DLG2: variants seen among roughly 807,000 people sequenced by gnomAD.
DLG2 encodes discs large MAGUK scaffold protein 2.
DLG2 carries 45 observed loss-of-function variants against 132.5 expected under a neutral mutation model. The ratio of observed to expected loss-of-function variants is 0.34; its 90% confidence interval spans 0.27 to 0.44. The LOEUF (loss-of-function observed/expected upper bound fraction) is 0.44. Ranked by LOEUF, DLG2 falls within the 20% of genes least tolerant of loss-of-function variation. The pLI is 1.00. For synonymous variants in DLG2, 424 were observed against 419.6 expected (o/e 1.01, Z -0.13); for missense variants, 1,045 against 1,196.9 (o/e 0.87, Z 1.87).
At chr11:84,672,111 C>G (rs1318408167) in intron 6 of DLG2, among the ~76,000 whole-genome samples, 2 of 152,110 alleles carry the variant, frequency 1.3e-5, no homozygotes, top group African/African-American at 2.4e-5. Flanking sequence ...TATAATGGAA[C>G]AAATCATAGT....
rs151285971 is a variant in DLG2 at position 83,958,726 on chromosome 11, T to G, written c.1340+4159A>C. Reference sequence around the variant, plus strand: ...TAGGGAAAACTTGGCCCAGTAAAGATAGAACTCATAGTTACCGGTAACATA... The same window carrying G: ...TAGGGAAAACTTGGCCCAGTAAAGAGAGAACTCATAGTTACCGGTAACATA... On this transcript the variant is annotated intron_variant, in intron 14 of 27. Transcript: ENST00000376104. 3.9e-5 allele frequency among the ~76,000 whole-genome samples: 6 copies of G among 152,256 alleles called. No individual in the cohort carries two copies. The East Asian group carries it at 1.2e-3, about 29-fold the overall frequency.
chr11:84,089,097 A>G (rs2097045769), intron 10 of DLG2, among the ~76,000 whole-genome samples: 1 of 152,162 alleles, frequency 6.6e-6, no homozygotes, highest in African/African-American at 2.4e-5. Flanking sequence ...CAATCACCCA[A>G]ACTCATGACA....
chr11:84,828,018 C>T (rs952597210), intron 6 of DLG2, among the ~76,000 whole-genome samples: 13 of 151,688 alleles, frequency 8.6e-5, no homozygotes, highest in African/African-American at 3.1e-4. Flanking sequence ...GCCTTAAATA[C>T]GTCAGACATT....
chr11:84,241,431 C>G (rs910757423), intron 8 of DLG2, among the ~76,000 whole-genome samples: 2 of 152,162 alleles, frequency 1.3e-5, no homozygotes, highest in African/African-American at 4.8e-5. Flanking sequence ...CTAGAAGAAG[C>G]ATAATTTAAG....
intron 8 of DLG2, chr11:84,166,855 C>A (rs1290537131): frequency 1.9e-6 from 1 of 516,294 alleles, no homozygotes; most frequent in Non-Finnish European, 4.0e-6. Context: ...TATTCCCAAT[C>A]AGGTTATCGA....
chr11:84,178,028 A>G (rs2096016872), intron 8 of DLG2, among the ~76,000 whole-genome samples: 1 of 151,928 alleles, frequency 6.6e-6, no homozygotes, highest in Non-Finnish European at 1.5e-5. Context: ...GCTGAATGTT[A>G]GTTAACAACT....
intron 3 of DLG2, among the ~76,000 whole-genome samples, chr11:85,388,174 G>A (rs1419037963): frequency 6.6e-6 from 1 of 152,092 alleles, no homozygotes; most frequent in East Asian, 1.9e-4. Flanking sequence ...TGAGGCCAGT[G>A]GCTGCTAGCT....
intron 6 of DLG2, among the ~76,000 whole-genome samples, chr11:84,578,017 G>A (rs1336391195): frequency 6.6e-6 from 1 of 152,206 alleles, no homozygotes; most frequent in Non-Finnish European, 1.5e-5. Flanking sequence ...TGGCTTCAGA[G>A]GGTGGCAGCC....
At chr11:83,474,096 CAG>C (rs1164664855) in intron 22 of DLG2, among the ~76,000 whole-genome samples, 5 of 152,158 alleles carry the variant, frequency 3.3e-5, no homozygotes, top group Non-Finnish European at 5.9e-5. Flanking sequence ...CTTAAGGGTA[CAG>C]AGAGTGGACC....
chr11:84,342,946 T>C (rs2098522221), intron 7 of DLG2, among the ~76,000 whole-genome samples: 1 of 152,198 alleles, frequency 6.6e-6, no homozygotes. Context: ...CCCTTCCTGA[T>C]AATACATGCA....
intron 3 of DLG2, among the ~76,000 whole-genome samples, chr11:85,302,707 C>T (rs2079674163): frequency 6.9e-6 from 1 of 144,992 alleles, no homozygotes; most frequent in African/African-American, 2.6e-5. Context: ...GAAGCCAAAA[C>T]AGAGAGCTGC....
chr11:84,967,298 T>C (rs564681946), intron 6 of DLG2, among the ~76,000 whole-genome samples: 1 of 152,144 alleles, frequency 6.6e-6, no homozygotes, highest in Non-Finnish European at 1.5e-5. Context: ...AAATGAAATA[T>C]GCTGGTTGCC....
chr11:84,683,491 C>T (rs1226604647), intron 6 of DLG2, among the ~76,000 whole-genome samples: 1 of 152,142 alleles, frequency 6.6e-6, no homozygotes, highest in African/African-American at 2.4e-5. Flanking sequence ...AAACCAAGTA[C>T]TATAAGTTTT....
rs140310285 is a variant in DLG2, at chr11:84,786,167, TAGA to T, written c.358-251439_358-251437del. Among the ~76,000 whole-genome samples, 958 of 152,230 alleles carry T rather than the reference TAGA, an allele frequency of 6.3e-3. 7 individuals carry two copies. The highest frequency in any genetic ancestry group is 0.021 in the African/African-American group (872 of 41,532). Reference sequence around the variant, plus strand: ...TTCAAATTTTACTTAACATTAGTCATAGAAGAAGTTTGGTTTTTATCCCAGCTC... The same window carrying T: ...TTCAAATTTTACTTAACATTAGTCATAGAAGTTTGGTTTTTATCCCAGCTC... On this transcript the variant is annotated intron_variant, in intron 6 of 27. Coordinates refer to ENST00000376104, the MANE Select transcript of DLG2 (RefSeq NM_001142699.3).
chr11:84,733,172 G>C (rs945351529), intron 6 of DLG2, among the ~76,000 whole-genome samples: 1 of 152,184 alleles, frequency 6.6e-6, no homozygotes, highest in East Asian at 1.9e-4. Flanking sequence ...GGGATTGCTG[G>C]GTCAAATGGT....
chr11:83,949,322 CA>C (rs2084832921), intron 14 of DLG2, among the ~76,000 whole-genome samples: 2 of 152,106 alleles, frequency 1.3e-5, no homozygotes, highest in Admixed American at 1.3e-4. Context: ...GTGATAACTA[CA>C]CAAATAGGTT....
chr11:84,978,896 A>T (rs1334564542), intron 6 of DLG2, among the ~76,000 whole-genome samples: 1 of 152,212 alleles, frequency 6.6e-6, no homozygotes, highest in South Asian at 2.1e-4. Flanking sequence ...AATGGGGGAA[A>T]ATTTTTGCAA....
At chr11:84,443,090 A>G (rs2099022468) in intron 7 of DLG2, among the ~76,000 whole-genome samples, 1 of 152,230 alleles carries the variant, frequency 6.6e-6, no homozygotes, top group Non-Finnish European at 1.5e-5. Context: ...CTAATTATAA[A>G]TGAACAAAGC....
chr11:84,109,856 T>C (rs1339964406), intron 9 of DLG2, among the ~76,000 whole-genome samples: 1 of 152,178 alleles, frequency 6.6e-6, no homozygotes, highest in Non-Finnish European at 1.5e-5. Context: ...ACAATTCTTA[T>C]TACCATAGCA....
Sources: allele counts gnomAD v4.1 joint callset (sites outside exome capture counted in the v4.1 genomes callset), GRCh38; gene constraint gnomAD v4.1.1; transcripts MANE v1.5; gene names NCBI Gene and HGNC (gene_info 2026-07-23, HGNC 2026-07-21).